The following SKIC3 variants were observed in gnomAD, a reference collection of about 807,000 sequenced individuals.
SKIC3 encodes SKI3 subunit of superkiller complex, also known as superkiller complex protein 3.
the SKIC3 span, among the ~76,000 whole-genome samples, chr5:95,505,946 A>G: frequency 6.6e-6 from 1 of 152,222 alleles, no homozygotes; most frequent in African/African-American, 2.4e-5. Context: ...TTTCATAATA[A>G]AAGTAAACTT....
the SKIC3 span, among the ~76,000 whole-genome samples, chr5:95,500,964 G>C: frequency 6.6e-6 from 1 of 151,912 alleles, no homozygotes; most frequent in East Asian, 1.9e-4. Flanking sequence ...AATTTTCTGA[G>C]GCAGTTCTGA....
chr5:95,524,691 T>G, the SKIC3 span: 1 of 1,533,394 alleles, frequency 6.5e-7, no homozygotes, highest in Non-Finnish European at 8.9e-7. Flanking sequence ...AAAGTTTGAG[T>G]GATTCAGAGG....
At chr5:95,497,658 T>C in the SKIC3 span, among the ~76,000 whole-genome samples, 1 of 152,178 alleles carries the variant, frequency 6.6e-6, no homozygotes, top group African/African-American at 2.4e-5. Context: ...TTATATCACC[T>C]ATATACACCA....
the SKIC3 span, chr5:95,537,057 G>A: frequency 6.2e-7 from 1 of 1,613,388 alleles, no homozygotes; most frequent in Non-Finnish European, 8.5e-7. Context: ...GATAAACTCT[G>A]AATGAAATGC....
At chr5:95,471,447 C>T in the SKIC3 span, among the ~76,000 whole-genome samples, 1 of 152,144 alleles carries the variant, frequency 6.6e-6, no homozygotes, top group Non-Finnish European at 1.5e-5. Flanking sequence ...GATACTTTTT[C>T]TGTGTCCCTG....
chr5:95,525,716 A>G, the SKIC3 span: 1 of 1,566,912 alleles, frequency 6.4e-7, no homozygotes, highest in Non-Finnish European at 8.8e-7. Context: ...CTCCTTCAAC[A>G]CAACCACAGC....
At chr5:95,522,301 C>T in the SKIC3 span, 1 of 1,613,234 alleles carries the variant, frequency 6.2e-7, no homozygotes, top group Non-Finnish European at 8.5e-7. Flanking sequence ...TTAATGCTGC[C>T]TGTAAACTAA....
At chr5:95,533,716 T>A in the SKIC3 span, among the ~76,000 whole-genome samples, 110 of 152,344 alleles carry the variant, frequency 7.2e-4, no homozygotes, top group Middle Eastern at 3.4e-3. Context: ...ATGATTTTTT[T>A]CATTTAAACC....
At chr5:95,529,001 C>T in the SKIC3 span, 3 of 1,613,154 alleles carry the variant, frequency 1.9e-6, no homozygotes, top group Non-Finnish European at 2.5e-6. Context: ...TCAAAAATAC[C>T]TTGACTGCAT....
At chr5:95,502,520 AAAAGG>A in the SKIC3 span, among the ~76,000 whole-genome samples, 48 of 152,352 alleles carry the variant, frequency 3.2e-4, no homozygotes, top group East Asian at 9.0e-3. Flanking sequence ...GGTTATCTTG[AAAAGG>A]AAAGAAGAAA....
At chr5:95,483,479 T>G in the SKIC3 span, among the ~76,000 whole-genome samples, 1 of 152,194 alleles carries the variant, frequency 6.6e-6, no homozygotes, top group Non-Finnish European at 1.5e-5. Flanking sequence ...TTATGCTTAG[T>G]AAACACTTAC....
chr5:95,505,712 C>G, the SKIC3 span, among the ~76,000 whole-genome samples: 4 of 151,750 alleles, frequency 2.6e-5, no homozygotes, highest in Non-Finnish European at 4.4e-5. Context: ...ACTCGGGAGG[C>G]TGAGGCAGGA....
At chr5:95,516,350 TACCTCA>T in the SKIC3 span, 1 of 1,612,936 alleles carries the variant, frequency 6.2e-7, no homozygotes, top group Admixed American at 1.7e-5. Context: ...GCAACATATT[TACCTCA>T]ATGTTTTCAT....
the SKIC3 span, among the ~76,000 whole-genome samples, chr5:95,520,054 G>T: frequency 1.3e-5 from 2 of 152,080 alleles, no homozygotes; most frequent in African/African-American, 4.8e-5. Context: ...CAGGAAAAGA[G>T]GGGAAGTAGA....
At chr5:95,512,901 GC>G in the SKIC3 span, 1 of 366,988 alleles carries the variant, frequency 2.7e-6, no homozygotes, top group South Asian at 3.2e-5. Context: ...CAGCACCATT[GC>G]CAAAGGTCAG....
the SKIC3 span, among the ~76,000 whole-genome samples, chr5:95,466,221 AT>A: frequency 6.6e-6 from 1 of 152,214 alleles, no homozygotes; most frequent in Non-Finnish European, 1.5e-5. Context: ...ATATATTTAT[AT>A]ATTTAGATGC....
chr5:95,523,118 A>G, the SKIC3 span: 1 of 1,560,082 alleles, frequency 6.4e-7, no homozygotes, highest in South Asian at 1.1e-5. Context: ...TCAAAATACA[A>G]CCTGGTAAGA....
the SKIC3 span, chr5:95,523,547 T>A: frequency 3.7e-6 from 5 of 1,357,582 alleles, no homozygotes; most frequent in Non-Finnish European, 5.0e-6. Context: ...ATATTGCACC[T>A]ATAGAAAAAA....
the SKIC3 span, chr5:95,482,417 A>T: frequency 6.4e-7 from 1 of 1,551,650 alleles, no homozygotes. Context: ...CCTGACATTA[A>T]CTAATATTAT....
Sources: allele counts gnomAD v4.1 joint callset (sites outside exome capture counted in the v4.1 genomes callset), GRCh38; gene constraint gnomAD v4.1.1; transcripts MANE v1.5; gene names NCBI Gene and HGNC (gene_info 2026-07-23, HGNC 2026-07-21).